The following METTL9 variants were observed in gnomAD, a reference collection of about 807,000 sequenced individuals.
The protein encoded by METTL9 is protein-L-histidine N-pros-methyltransferase.
In METTL9, 10 loss-of-function variants were observed where a neutral mutation model predicts 36.0. The observed-to-expected ratio is 0.28, with a 90% CI of 0.17 to 0.47. The LOEUF is 0.47. Ranked by LOEUF, METTL9 falls within the 20% of genes least tolerant of loss-of-function variation. The pLI is 0.99. For missense variants in METTL9, 246 were observed against 383.5 expected (o/e 0.64, Z 3.00); for synonymous variants, 175 against 149.7 (o/e 1.17, Z -1.23).
intron 4 of METTL9, chr16:21,652,506 A>G (rs544399390): frequency 4.5e-6 from 7 of 1,571,556 alleles, no homozygotes; most frequent in Non-Finnish European, 6.1e-6. Flanking sequence ...AAATAAAATG[A>G]AGGAGGAGAA....
At chr16:21,644,304 T>C in intron 4 of METTL9, 1 of 1,611,942 alleles carries the variant, frequency 6.2e-7, no homozygotes, top group Non-Finnish European at 8.5e-7. Context: ...GAGAGGAGTA[T>C]GAAGGCCACG....
chr16:21,644,284 A>T (rs369293779), intron 4 of METTL9: 1 of 1,579,560 alleles, frequency 6.3e-7, no homozygotes, highest in Admixed American at 1.7e-5. Context: ...AGAGGATTTG[A>T]CTTACTTTGG....
intron 4 of METTL9, among the ~76,000 whole-genome samples, chr16:21,634,711 G>A (rs997925958): frequency 2.7e-4 from 41 of 152,058 alleles, no homozygotes; most frequent in Non-Finnish European, 7.4e-5. Flanking sequence ...CAGCCGATTG[G>A]GTAATAAACT....
At chr16:21,627,476 G>T in intron 4 of METTL9, 1 of 609,692 alleles carries the variant, frequency 1.6e-6, no homozygotes, top group Non-Finnish European at 2.1e-6. Context: ...ATTGAATCTA[G>T]TGAGAATTAT....
chr16:21,623,327 T>A (rs998427366), intron 3 of METTL9, among the ~76,000 whole-genome samples: 6 of 152,226 alleles, frequency 3.9e-5, no homozygotes, highest in Admixed American at 1.3e-4. Context: ...TTTTTAAAAT[T>A]CTGCTATTCA....
intron 4 of METTL9, among the ~76,000 whole-genome samples, chr16:21,650,961 T>C (rs1032842108): frequency 7.9e-5 from 12 of 152,162 alleles, no homozygotes; most frequent in Non-Finnish European, 8.8e-5. Flanking sequence ...TGGTGGCTCA[T>C]GCCTGTAATC....
chr16:21,608,185 A>G (rs552972256), intron 1 of METTL9, among the ~76,000 whole-genome samples: 1 of 152,204 alleles, frequency 6.6e-6, no homozygotes, highest in Non-Finnish European at 1.5e-5. Context: ...GAAAGTACAC[A>G]GGAGCATACA....
chr16:21,637,537 A>G (rs1420910588), intron 4 of METTL9, among the ~76,000 whole-genome samples: 1 of 152,242 alleles, frequency 6.6e-6, no homozygotes, highest in Non-Finnish European at 1.5e-5. Flanking sequence ...AAGCCCAGCC[A>G]GCTTCACCTC....
chr16:21,600,967 C>T (rs200684707), intron 1 of METTL9, among the ~76,000 whole-genome samples: 15 of 152,166 alleles, frequency 9.9e-5, no homozygotes, highest in Non-Finnish European at 1.8e-4. Context: ...AGAATTTACA[C>T]CCAGGTTGAT....
chr16:21,616,115 T>C (rs1274758804), intron 2 of METTL9, among the ~76,000 whole-genome samples: 2 of 152,240 alleles, frequency 1.3e-5, no homozygotes, highest in Non-Finnish European at 2.9e-5. Flanking sequence ...GGCACCGTGT[T>C]GCATGCATCT....
At chr16:21,619,711 C>T (rs566534276) in intron 3 of METTL9, among the ~76,000 whole-genome samples, 2 of 150,938 alleles carry the variant, frequency 1.3e-5, no homozygotes, top group African/African-American at 4.9e-5. Context: ...GTTGGGATTA[C>T]AGGCGTGAGC....
At chr16:21,626,538 G>A (rs1014623806) in intron 4 of METTL9, among the ~76,000 whole-genome samples, 1 of 152,160 alleles carries the variant, frequency 6.6e-6, no homozygotes, top group Non-Finnish European at 1.5e-5. Context: ...CGATATAGAA[G>A]GGTGTGGAAA....
intron 4 of METTL9, among the ~76,000 whole-genome samples, chr16:21,626,262 TAAG>T (rs1965813235): frequency 6.6e-6 from 1 of 152,162 alleles, no homozygotes; most frequent in South Asian, 2.1e-4. Flanking sequence ...CAGAAACTCT[TAAG>T]AGCTCACAGA....
At chr16:21,615,164 T>C (rs1195054292) in intron 2 of METTL9, among the ~76,000 whole-genome samples, 4 of 152,226 alleles carry the variant, frequency 2.6e-5, no homozygotes, top group Non-Finnish European at 5.9e-5. Flanking sequence ...TTAATCTTTT[T>C]GTAGAGCCCC....
chr16:21,647,600 T>G, intron 4 of METTL9: 1 of 1,343,762 alleles, frequency 7.4e-7, no homozygotes, highest in Non-Finnish European at 1.0e-6. Context: ...TTTCTTACCT[T>G]AATCCCAATA....
In METTL9 at chr16:21,629,310, C is replaced by T. The variant is rs79686566; in HGVS notation, c.751+4195C>T. 8.8e-3 allele frequency among the ~76,000 whole-genome samples: 1,346 copies of T among 152,154 alleles called. 47 individuals are homozygous for T. Among genetic ancestry groups the T allele is most frequent in the East Asian group, 0.083 (429 of 5,168 alleles). On this transcript the variant is annotated intron_variant, in intron 4 of 4. Transcript: ENST00000358154. Reference sequence around the variant, plus strand: ...TTAGGATTAGATGAGATCATGAGAGCAGAGCCTTCCTGAATGGGATGAATG... The same window carrying T: ...TTAGGATTAGATGAGATCATGAGAGTAGAGCCTTCCTGAATGGGATGAATG...
At chr16:21,599,115 A>C (rs1410022864), upstream of METTL9, among the ~76,000 whole-genome samples, 2 of 152,062 alleles carry the variant, frequency 1.3e-5, no homozygotes, top group Non-Finnish European at 2.9e-5. This position sits in a 1 kb window ranked among gnomAD's most constrained non-coding sequence, Gnocchi z 4.4. Context: ...GCACGAAAGG[A>C]ATGACTCCCC....
In METTL9 at chr16:21,626,598, A is replaced by G. The variant is rs753074650; in HGVS notation, c.751+1483A>G. Reference sequence around the variant, plus strand: ...TTTCCCATCTTAGATCTCCATTTTTATGTTCCTGTTGTCGAGTGGTTTGTC... The same window carrying G: ...TTTCCCATCTTAGATCTCCATTTTTGTGTTCCTGTTGTCGAGTGGTTTGTC... On this transcript the variant is annotated intron_variant, in intron 4 of 4. Coordinates refer to ENST00000358154, the MANE Select transcript of METTL9 (RefSeq NM_016025.5). 2.6e-5 allele frequency: 4 copies of G among 152,160 alleles called. 1 individual carries two copies. The highest frequency in any genetic ancestry group is 5.9e-5 in the Non-Finnish European group (4 of 68,020). The allele number at this position is 152,160 out of a possible 1,614,324, so 9.4% of individuals were successfully genotyped here.
At position 21,617,942 on chromosome 16, in the gene METTL9, A is replaced by G; in HGVS notation, c.434A>G (p.Lys145Arg). The change falls in exon 3 of 5, where the codon AAA (lysine) becomes AGA (arginine). Residue 145 changes from lysine (K) to arginine (R), a missense_variant. Around this residue, in one of 2 missense-constraint regions of METTL9, gnomAD observed 146 missense variants for 302.1 expected, o/e 0.48. Coordinates refer to ENST00000358154, the MANE Select transcript of METTL9 (RefSeq NM_016025.5). ...QRLLKINPDWKTHRLLDLGAG... is the reference protein window; with the variant it reads ...QRLLKINPDWRTHRLLDLGAG... Reference sequence around the variant, plus strand: ...CTGCTTAAAATTAATCCAGACTGGAAAACCCACAGACTTCTTGATTTAGGT... The same window carrying G: ...CTGCTTAAAATTAATCCAGACTGGAGAACCCACAGACTTCTTGATTTAGGT... The G allele has an allele frequency of 6.2e-7, 1 of 1,614,050 alleles. No homozygotes were observed. The highest frequency in any genetic ancestry group is 1.1e-5 in the South Asian group (1 of 91,066).
Sources: allele counts gnomAD v4.1 joint callset (sites outside exome capture counted in the v4.1 genomes callset), GRCh38; gene constraint gnomAD v4.1.1; regional missense constraint gnomAD v4.1.1; non-coding constraint Gnocchi (gnomAD v3.1); transcripts MANE v1.5; gene names NCBI Gene and HGNC (gene_info 2026-07-23, HGNC 2026-07-21).